Variants in SUGCT observed in about 807,000 individuals in gnomAD.
SUGCT encodes the protein succinyl-CoA:glutarate CoA-transferase.
Under a neutral mutation model 55.0 loss-of-function variants are expected in SUGCT, and 41 were observed. The ratio of observed to expected loss-of-function variants is 0.74; its 90% CI spans 0.58 to 0.97. SUGCT has a LOEUF of 0.97. Among genes scored for constraint, SUGCT ranks in the 50% least tolerant of loss-of-function variants. The pLI is 0.00. For synonymous variants in SUGCT, 187 were observed against 200.4 expected (o/e 0.93, Z 0.56); for missense variants, 568 against 547.8 (o/e 1.04, Z -0.37).
chr7:40,506,016 A>T, intron 12 of SUGCT, among the ~76,000 whole-genome samples: 1 of 152,242 alleles, frequency 6.6e-6, no homozygotes, highest in East Asian at 1.9e-4. Flanking sequence ...TGCTTTTTAA[A>T]TCAATCAAGA....
the SUGCT span, among the ~76,000 whole-genome samples, chr7:40,933,616 G>C: frequency 1.6e-4 from 25 of 152,064 alleles, no homozygotes; most frequent in African/African-American, 5.8e-4. Context: ...ATATTTCTTG[G>C]AGGCTTTGTT....
chr7:40,772,742 C>T (rs1451825545), intron 13 of SUGCT, among the ~76,000 whole-genome samples: 1 of 151,956 alleles, frequency 6.6e-6, no homozygotes, highest in African/African-American at 2.4e-5. Flanking sequence ...GGGATCCTCC[C>T]ACCTCAGCCC....
chr7:40,298,490 AATTTTCTTTTAGTGGGTAGGAC>A (rs1794317728), intron 8 of SUGCT, among the ~76,000 whole-genome samples: 1 of 152,114 alleles, frequency 6.6e-6, no homozygotes, highest in African/African-American at 2.4e-5. Context: ...TTTGAACAAT[AATTTTCTTTTAGTGGGTAGGAC>A]TATGAAGTTC....
intron 12 of SUGCT, among the ~76,000 whole-genome samples, chr7:40,601,233 G>A (rs961122445): frequency 6.6e-5 from 10 of 152,138 alleles, no homozygotes; most frequent in Admixed American, 1.3e-4. Flanking sequence ...TGTAGAGTTT[G>A]GCATTGGGGT....
intron 2 of SUGCT, 117 bp from the exon 3 acceptor site, chr7:40,181,838 G>C: frequency 1.6e-6 from 1 of 627,138 alleles, no homozygotes; most frequent in East Asian, 2.9e-5. Context: ...AGTTTTAACT[G>C]TTTTGATTCT....
chr7:40,157,033 AATATTT>A (rs1029560527), intron 1 of SUGCT, among the ~76,000 whole-genome samples: 2 of 146,392 alleles, frequency 1.4e-5, no homozygotes, highest in African/African-American at 5.1e-5. Context: ...AAAAAAGGTA[AATATTT>A]TCATGTTTCT....
chr7:40,676,241 T>C (rs1313944378), intron 12 of SUGCT, among the ~76,000 whole-genome samples: 1 of 152,170 alleles, frequency 6.6e-6, no homozygotes, highest in African/African-American at 2.4e-5. Flanking sequence ...TTAGATAAAA[T>C]AGCATATAGA....
At chr7:40,974,804 A>G in the SUGCT span, among the ~76,000 whole-genome samples, 1 of 152,180 alleles carries the variant, frequency 6.6e-6, no homozygotes, top group African/African-American at 2.4e-5. Flanking sequence ...GAATTAAGGA[A>G]AGTACATTAT....
At chr7:40,215,882 G>C (rs1047037048) in intron 6 of SUGCT, among the ~76,000 whole-genome samples, 4 of 151,722 alleles carry the variant, frequency 2.6e-5, no homozygotes, top group African/African-American at 9.7e-5. Context: ...AAAATTAAGA[G>C]ATTAAGCCAT....
intron 12 of SUGCT, among the ~76,000 whole-genome samples, chr7:40,611,975 C>T (rs1196774323): frequency 6.6e-6 from 1 of 150,966 alleles, no homozygotes; most frequent in African/African-American, 2.4e-5. Context: ...AAATTTATGT[C>T]TCATTAAAGC....
chr7:40,809,239 T>C (rs1791272367), intron 13 of SUGCT, among the ~76,000 whole-genome samples: 1 of 152,192 alleles, frequency 6.6e-6, no homozygotes, highest in African/African-American at 2.4e-5. Flanking sequence ...TACCTGAATA[T>C]TGTAAGTGCT....
chr7:40,199,563 CT>C (rs757276927), intron 6 of SUGCT, among the ~76,000 whole-genome samples: 1 of 152,156 alleles, frequency 6.6e-6, no homozygotes, highest in African/African-American at 2.4e-5. Context: ...GGTATTTCCC[CT>C]AACAATTTAA....
At chr7:40,284,000 A>G (rs755933632) in intron 8 of SUGCT, among the ~76,000 whole-genome samples, 2 of 152,238 alleles carry the variant, frequency 1.3e-5, no homozygotes, top group Non-Finnish European at 2.9e-5. Context: ...GTCATTTGCA[A>G]CAAGACATAT....
At chr7:40,586,422 A>G (rs976380354) in intron 12 of SUGCT, among the ~76,000 whole-genome samples, 15 of 152,180 alleles carry the variant, frequency 9.9e-5, no homozygotes, top group African/African-American at 3.6e-4. Context: ...GCCAGACTGG[A>G]TGATGCATGC....
At chr7:40,901,570 A>G in the SUGCT span, among the ~76,000 whole-genome samples, 4 of 152,332 alleles carry the variant, frequency 2.6e-5, no homozygotes, top group African/African-American at 9.6e-5. Context: ...TGATGTTACC[A>G]AACTGCCTTG....
intron 9 of SUGCT, among the ~76,000 whole-genome samples, chr7:40,417,940 T>C (rs1395294012): frequency 1.3e-5 from 2 of 152,110 alleles, no homozygotes; most frequent in African/African-American, 4.8e-5. Context: ...ACTTTTATAT[T>C]ATATGTTATG....
chr7:40,644,018 C>A (rs1373625724), intron 12 of SUGCT, among the ~76,000 whole-genome samples: 1 of 152,022 alleles, frequency 6.6e-6, no homozygotes, highest in African/African-American at 2.4e-5. Context: ...GGGATGGGTG[C>A]GGGAAGGTAG....
rs1785066358 is a variant in SUGCT at position 40,385,370 on chromosome 7, T to TG, written c.817-63913dup. 3.3e-5 allele frequency among the ~76,000 whole-genome samples: 5 copies of TG among 152,134 alleles called. No homozygotes were observed. In the South Asian group the frequency reaches 1.0e-3, roughly 32 times the overall value. ...GTTCTTGGCTTCTTCGGCTGTAAAA[T>TG]GGGGAAAATTACAATTCATATCAGG... On this transcript the variant is annotated intron_variant, in intron 9 of 13. Transcript: ENST00000335693.
intron 1 of SUGCT, among the ~76,000 whole-genome samples, chr7:40,147,055 TTCTC>T (rs35015692): frequency 6.7e-6 from 1 of 150,344 alleles, no homozygotes; most frequent in Non-Finnish European, 1.5e-5. Flanking sequence ...TCTCTCTTTC[TTCTC>T]TCTTTCTCCT....
Sources: allele counts gnomAD v4.1 joint callset (sites outside exome capture counted in the v4.1 genomes callset), GRCh38; gene constraint gnomAD v4.1.1; transcripts MANE v1.5; gene names NCBI Gene and HGNC (gene_info 2026-07-23, HGNC 2026-07-21).